CYP27C1: variants seen among roughly 807,000 people sequenced by gnomAD.
The protein encoded by CYP27C1 is cytochrome P450 27C1.
CYP27C1 carries 29 observed loss-of-function variants against 40.6 expected under a neutral mutation model. That is an observed-to-expected ratio of 0.71 (90% confidence interval 0.53 to 0.97). The LOEUF (loss-of-function observed/expected upper bound fraction) is 0.97, where lower values mean the gene tolerates loss of function less well. Among genes scored for constraint, CYP27C1 ranks in the 50% least tolerant of loss-of-function variants. CYP27C1 has a pLI of 0.00. For missense variants in CYP27C1, 390 were observed against 485.8 expected, an observed-to-expected ratio of 0.80 and a Z score of 1.85; for synonymous variants, 198 against 186.8, an observed-to-expected ratio of 1.06 and a Z score of -0.49.
At position 127,204,574 on chromosome 2, in the gene CYP27C1, A is replaced by AAAGG. The variant is rs1470878504; in HGVS notation, c.474-1004_474-1003insCCTT. Among the ~76,000 whole-genome samples, 12 of 81,320 alleles carry AAAGG rather than the reference A, an allele frequency of 1.5e-4. 1 individual carries two copies. Among genetic ancestry groups the AAAGG allele is most frequent in the African/African-American group, 5.8e-4 (11 of 18,926 alleles). 53.3% of individuals were successfully genotyped at this position (81,320 alleles called of 152,430 possible). Reference sequence around the variant, plus strand: ...GAGAGAGAGAAAGAAAGAAAGAAAGAAAGAAAGAAAGAAAGAAAGAAAGAA... The same window carrying AAAGG: ...GAGAGAGAGAAAGAAAGAAAGAAAGAAAGGAAGAAAGAAAGAAAGAAAGAAAGAA... On this transcript the variant is annotated intron_variant, in intron 2 of 8. Transcript: ENST00000664447.
At chr2:127,212,304 C>G (rs191911599) in intron 1 of CYP27C1, among the ~76,000 whole-genome samples, 27 of 152,242 alleles carry the variant, frequency 1.8e-4, no homozygotes, top group African/African-American at 4.6e-4. Context: ...GGGACTCCCC[C>G]CTAACTCATT....
rs989409081 is a variant in CYP27C1, at chr2:127,200,171, A to G, written c.884-632T>C. Among the ~76,000 whole-genome samples the G allele has an allele frequency of 2.1e-4, 32 of 152,248 alleles. No homozygotes were observed. Among genetic ancestry groups the G allele is most frequent in the Non-Finnish European group, 3.4e-4 (23 of 68,004 alleles). ...ATTTTTGTATTTTTAGTAGAGACGC[A>G]GTTTCGCCATGTTGGCCAGGCTGGT... On this transcript the variant is annotated intron_variant, in intron 4 of 8. Coordinates refer to ENST00000664447, the MANE Select transcript of CYP27C1 (RefSeq NM_001367502.1). The surrounding 1 kb of genome is among the most constrained non-coding windows in gnomAD (Gnocchi z 4.2).
At chr2:127,204,414 AAAG>A (rs1266489805) in intron 2 of CYP27C1, among the ~76,000 whole-genome samples, 2 of 137,864 alleles carry the variant, frequency 1.5e-5, no homozygotes, top group Non-Finnish European at 3.2e-5. Context: ...GAAAGAAAGA[AAAG>A]AAAGAGAGAA....
chr2:127,197,640 C>A (rs1573895764), intron 5 of CYP27C1, among the ~76,000 whole-genome samples: 2 of 152,316 alleles, frequency 1.3e-5, no homozygotes, highest in Middle Eastern at 3.4e-3. Context: ...TTCCACCCGA[C>A]CACCAGCAGC....
intron 8 of CYP27C1, among the ~76,000 whole-genome samples, chr2:127,189,310 T>C (rs184908156): frequency 1.4e-3 from 210 of 152,220 alleles, no homozygotes; most frequent in East Asian, 3.9e-4. Context: ...GCTGTCCCTT[T>C]CCTTCCCAGT....
At chr2:127,187,493 G>C in intron 8 of CYP27C1, 106 bp from the exon 9 acceptor site, 1 of 975,256 alleles carries the variant, frequency 1.0e-6, no homozygotes, top group Non-Finnish European at 1.6e-6. Flanking sequence ...GCTGCAGAGA[G>C]CGCAGGCAAT....
At position 127,187,117 on chromosome 2, in the gene CYP27C1, G is replaced by C; in HGVS notation, c.*154C>G. 1.5e-6 allele frequency: 1 copy of C among 676,246 alleles called. No individual in the cohort carries two copies. The highest frequency in any genetic ancestry group is 2.6e-6 in the Non-Finnish European group (1 of 380,458). 41.9% of individuals were successfully genotyped at this position (676,246 alleles called of 1,614,324 possible). A position where few individuals can be genotyped will look rare whatever the true frequency, so the allele number is the denominator to read the frequency against. On this transcript the variant is annotated 3_prime_UTR_variant, in exon 9 of 9. Coordinates refer to ENST00000664447, the MANE Select transcript of CYP27C1 (RefSeq NM_001367502.1). ...ACCTTTTTACATTACTTTGCATAAA[G>C]ATTTACAAGTGTCCCAGGACCTGGG...
intron 2 of CYP27C1, 109 bp downstream of exon 2, chr2:127,205,791 G>T (rs980623795): frequency 2.0e-6 from 2 of 981,540 alleles, no homozygotes; most frequent in Non-Finnish European, 2.4e-6. Flanking sequence ...CCATGGGGGG[G>T]TTCTGTGCTT....
intron 1 of CYP27C1, among the ~76,000 whole-genome samples, chr2:127,216,936 G>GA (rs1454723417): frequency 6.6e-6 from 1 of 152,142 alleles, no homozygotes; most frequent in African/African-American, 2.4e-5. Flanking sequence ...CTGGAGACCT[G>GA]AAAATGAAGA....
rs754355013 is a variant in CYP27C1, at chr2:127,187,280, G to A, written c.1605C>T (p.Asn535=). ...PGGPIHVRFV[N]RK ...GGTTTAAAATCTAGGCTTACTTTCT[G>A]TTAACAAATCGCACGTGGATGGGCC... The change falls in exon 9 of 9, where the codon AAC becomes AAT. Residue 535 remains asparagine (N), a synonymous_variant. Coordinates refer to ENST00000664447, the MANE Select transcript of CYP27C1 (RefSeq NM_001367502.1). The A allele has an allele frequency of 1.2e-6, 2 of 1,614,022 alleles. No homozygotes were observed. Among genetic ancestry groups the A allele is most frequent in the East Asian group, 2.2e-5 (1 of 44,878 alleles).
At chr2:127,198,641 G>A (rs1164132241) in intron 5 of CYP27C1, among the ~76,000 whole-genome samples, 1 of 152,162 alleles carries the variant, frequency 6.6e-6, no homozygotes, top group Non-Finnish European at 1.5e-5. Flanking sequence ...AGCCACATTT[G>A]TACTGTAGCT....
At chr2:127,202,879 C>T (rs1683068613) in intron 3 of CYP27C1, among the ~76,000 whole-genome samples, 1 of 151,850 alleles carries the variant, frequency 6.6e-6, no homozygotes, top group Non-Finnish European at 1.5e-5. Flanking sequence ...TTTTTTAAGT[C>T]CAGTTTCAGC....
In CYP27C1 at chr2:127,195,213, A is replaced by G; in HGVS notation, c.1214+122T>C. 1 of 1,194,372 alleles carries G rather than the reference A, an allele frequency of 8.4e-7. No homozygotes were observed. The highest frequency in any genetic ancestry group is 1.2e-6 in the Non-Finnish European group (1 of 840,906). 74.0% of individuals were successfully genotyped at this position (1,194,372 alleles called of 1,614,324 possible). ...TTCTGACAAGAGCAGAGAAAAAATA[A>G]CAGTCACGAACATCCTCATCCTGAA... On this transcript the variant is annotated intron_variant, in intron 6 of 8. Transcript: ENST00000664447. The surrounding 1 kb of genome is among the most constrained non-coding windows in gnomAD (Gnocchi z 6.2).
chr2:127,220,243 C>T lies in CYP27C1; in HGVS notation c.28G>A (p.Ala10Thr), dbSNP rs1683522891. ...CGCTCGGGCGCCGGCCGCAGCCCGG[C>T]TCTCAGGATCCGCGCCAGCAGGGCC... MALLARILR[A>T]GLRPAPERGG... The change falls in exon 1 of 9, where the codon GCC (alanine) becomes ACC (threonine). Residue 10 changes from alanine (A) to threonine (T), a missense_variant. Physicochemically the swap from Ala to Thr is moderately conservative, Grantham distance 58. Transcript: ENST00000664447. This position sits in a 1 kb window ranked among gnomAD's most constrained non-coding sequence, Gnocchi z 4.6. Among the ~76,000 whole-genome samples the T allele has an allele frequency of 6.6e-6, 1 of 151,630 alleles. No individual in the cohort carries two copies. The highest frequency in any genetic ancestry group is 6.6e-5 in the Admixed American group (1 of 15,246).
intron 1 of CYP27C1, among the ~76,000 whole-genome samples, 123 bp from the exon 2 acceptor site, chr2:127,206,213 G>A (rs1476419201): frequency 6.6e-6 from 1 of 152,226 alleles, no homozygotes; most frequent in Non-Finnish European, 1.5e-5. Flanking sequence ...ATCTAACACA[G>A]CACTGAATCA....
In CYP27C1 at chr2:127,183,884, T is replaced by C. The variant is rs1239317647; in HGVS notation, c.*3387A>G. Among the ~76,000 whole-genome samples, 1 of 152,186 alleles carries C rather than the reference T, an allele frequency of 6.6e-6. No homozygotes were observed. The highest frequency in any genetic ancestry group is 1.5e-5 in the Non-Finnish European group (1 of 68,032). On this transcript the variant is annotated 3_prime_UTR_variant, in exon 9 of 9. Coordinates refer to ENST00000664447, the MANE Select transcript of CYP27C1 (RefSeq NM_001367502.1). The surrounding 1 kb of genome is among the most constrained non-coding windows in gnomAD (Gnocchi z 5.1). ...CGGAAATGTTCACACGTACACAAAG[T>C]AGAGAGCATAATGTCATGAGCCCCC...
chr2:127,186,242 T>C lies in CYP27C1; in HGVS notation c.*1029A>G, dbSNP rs1167472987. On this transcript the variant is annotated 3_prime_UTR_variant, in exon 9 of 9. Transcript: ENST00000664447. The surrounding 1 kb of genome is among the most constrained non-coding windows in gnomAD (Gnocchi z 4.5). ...ATTCTTGATTTCACCAGGAGCTTTC[T>C]TTTTTATTTATTTATTATTTATTTA... 1.3e-5 allele frequency: 2 copies of C among 151,382 alleles called. No homozygotes were observed. The highest frequency in any genetic ancestry group is 3.0e-5 in the Non-Finnish European group (2 of 67,776). The allele number at this position is 151,382 out of a possible 1,614,324, so 9.4% of individuals were successfully genotyped here. A position where few individuals can be genotyped will look rare whatever the true frequency, so the allele number is the denominator to read the frequency against.
chr2:127,193,449 C>A lies in CYP27C1; in HGVS notation c.1294-152G>T, dbSNP rs144639050. The A allele has an allele frequency of 2.6e-3, 2,106 of 817,692 alleles. 13 individuals carry two copies. The highest frequency in any genetic ancestry group is 7.5e-3 in the South Asian group (431 of 57,174). The allele number at this position is 817,692 out of a possible 1,614,324, so 50.7% of individuals were successfully genotyped here. A position where few individuals can be genotyped will look rare whatever the true frequency, so the allele number is the denominator to read the frequency against. ...ACACCCAGGATGGCAGCCGCTCCCC[C>A]CTTCCCACTCCACACTGCACCCCAA... On this transcript the variant is annotated intron_variant, in intron 7 of 8. Transcript: ENST00000664447.
At position 127,209,132 on chromosome 2, in the gene CYP27C1, T is replaced by C. The variant is rs1683290014; in HGVS notation, c.283-3042A>G. ...GGTTGATGCCCCTTGAGGTCAGAGG[T>C]CCCAGAAGAAGGAGCAGGCACCCAT... is the stretch of plus-strand genomic sequence containing the variant. On this transcript the variant is annotated intron_variant, in intron 1 of 8. Coordinates refer to ENST00000664447, the MANE Select transcript of CYP27C1 (RefSeq NM_001367502.1). This position sits in a 1 kb window ranked among gnomAD's most constrained non-coding sequence, Gnocchi z 4.1. 6.6e-6 allele frequency among the ~76,000 whole-genome samples: 1 copy of C among 151,896 alleles called. No homozygotes were observed. The highest frequency in any genetic ancestry group is 1.5e-5 in the Non-Finnish European group (1 of 67,994).
Sources: allele counts gnomAD v4.1 joint callset (sites outside exome capture counted in the v4.1 genomes callset), GRCh38; gene constraint gnomAD v4.1.1; non-coding constraint Gnocchi (gnomAD v3.1); transcripts MANE v1.5; gene names NCBI Gene and HGNC (gene_info 2026-07-23, HGNC 2026-07-21).